Variants in TOM1L1 observed in about 807,000 individuals in gnomAD.
The protein encoded by TOM1L1 is TOM1-like protein 1.
Under a neutral mutation model 63.4 loss-of-function variants are expected in TOM1L1, and 64 were observed. The observed-to-expected ratio is 1.01, with a 90% confidence interval of 0.83 to 1.24. TOM1L1 has a LOEUF of 1.24. Among genes scored for constraint, TOM1L1 ranks in the 50% most tolerant of loss-of-function variants. TOM1L1 has a pLI of 0.00. For missense variants in TOM1L1, 536 were observed against 567.0 expected, an observed-to-expected ratio of 0.95 and a Z score of 0.55; for synonymous variants, 166 against 194.4, an observed-to-expected ratio of 0.85 and a Z score of 1.22.
At chr17:54,902,570 C>T (rs1179506831) in intron 1 of TOM1L1, among the ~76,000 whole-genome samples, 2 of 152,132 alleles carry the variant, frequency 1.3e-5, no homozygotes, top group East Asian at 1.9e-4. Context: ...GGATTACAGG[C>T]GGGAGCCACC....
Position 54,915,881 on chromosome 17 carries a change from G to A in TOM1L1, c.720+19G>A. 2 of 1,576,542 alleles carry A rather than the reference G, an allele frequency of 1.3e-6. No homozygotes were observed. Among genetic ancestry groups the A allele is most frequent in the Non-Finnish European group, 1.7e-6 (2 of 1,146,612 alleles). On this transcript the variant is annotated intron_variant, in intron 7 of 15. Transcript: ENST00000575882. ...TCTGCAGGTGTTGTACGATTTCAGG[G>A]ACTATCAGTCAAAGTGTCTCTTAAA...
At chr17:54,934,262 T>G (rs2048911481) in intron 8 of TOM1L1, among the ~76,000 whole-genome samples, 2 of 152,262 alleles carry the variant, frequency 1.3e-5, no homozygotes, top group Non-Finnish European at 2.9e-5. Flanking sequence ...TAGCTTTTTA[T>G]CTTTGTAGCT....
intron 7 of TOM1L1, among the ~76,000 whole-genome samples, chr17:54,927,497 T>C (rs1229120416): frequency 3.3e-5 from 5 of 152,194 alleles, no homozygotes; most frequent in African/African-American, 1.2e-4. Context: ...AAGAGGAAGC[T>C]CTTAATGAGC....
At chr17:54,909,327 G>C (rs2048461001) in intron 3 of TOM1L1, among the ~76,000 whole-genome samples, 1 of 152,162 alleles carries the variant, frequency 6.6e-6, no homozygotes, top group African/African-American at 2.4e-5. Flanking sequence ...TGGAGGGAGT[G>C]AGAAGACTGA....
rs2077121220 is a variant in TOM1L1 at position 54,961,377 on chromosome 17, A to G, written c.*144A>G. 13 of 1,550,188 alleles carry G rather than the reference A, an allele frequency of 8.4e-6. No homozygotes were observed. In the South Asian group the frequency reaches 1.5e-4, roughly 18 times the overall value. On this transcript the variant is annotated 3_prime_UTR_variant, in exon 16 of 16. Coordinates refer to ENST00000575882, the MANE Select transcript of TOM1L1 (RefSeq NM_005486.3). Reference sequence around the variant, plus strand: ...GCACATTTCTGCTATAATGAAGATTAAATAGAATAACAGTTCCAGGATAAC... The same window carrying G: ...GCACATTTCTGCTATAATGAAGATTGAATAGAATAACAGTTCCAGGATAAC...
intron 3 of TOM1L1, among the ~76,000 whole-genome samples, chr17:54,909,786 G>T (rs2048468497): frequency 6.6e-6 from 1 of 152,122 alleles, no homozygotes; most frequent in Admixed American, 6.6e-5. Context: ...TGGCTCCTGA[G>T]TTTTCAATCC....
intron 5 of TOM1L1, among the ~76,000 whole-genome samples, chr17:54,914,421 T>C (rs2048552373): frequency 1.3e-5 from 2 of 151,838 alleles, no homozygotes; most frequent in Admixed American, 1.3e-4. Context: ...ATAATCCTAA[T>C]AGCCACCTTT....
Position 54,961,654 on chromosome 17 carries a change from A to G in TOM1L1, c.*421A>G. The G allele has an allele frequency of 1.9e-6, 2 of 1,078,034 alleles. No homozygotes were observed. Among genetic ancestry groups the G allele is most frequent in the South Asian group, 6.5e-5 (2 of 30,544 alleles). The allele number at this position is 1,078,034 out of a possible 1,614,324, so 66.8% of individuals were successfully genotyped here. A position where few individuals can be genotyped will look rare whatever the true frequency, so the allele number is the denominator to read the frequency against. Reference sequence around the variant, plus strand: ...AAACTGAATGTATTATTCAGGAAGAATACTGAGTGCCTTCATTTAACTAAA... The same window carrying G: ...AAACTGAATGTATTATTCAGGAAGAGTACTGAGTGCCTTCATTTAACTAAA... On this transcript the variant is annotated 3_prime_UTR_variant, in exon 16 of 16. Coordinates refer to ENST00000575882, the MANE Select transcript of TOM1L1 (RefSeq NM_005486.3).
At chr17:54,907,217 C>T (rs1207197427) in intron 3 of TOM1L1, among the ~76,000 whole-genome samples, 4 of 146,468 alleles carry the variant, frequency 2.7e-5, no homozygotes, top group Non-Finnish European at 4.4e-5. Flanking sequence ...ATGGAGAAGA[C>T]GGGAGAGAGG....
intron 14 of TOM1L1, chr17:54,953,213 C>CA (rs2049322941): frequency 6.9e-6 from 1 of 143,952 alleles, no homozygotes; most frequent in Non-Finnish European, 1.6e-5. Flanking sequence ...ACCTTGTCTC[C>CA]ACAAACAAAC....
intron 10 of TOM1L1, 93 bp from the exon 11 acceptor site, chr17:54,938,831 C>CTTTTTTTTTT: frequency 3.5e-6 from 2 of 577,538 alleles, no homozygotes; most frequent in African/African-American, 2.0e-5. Context: ...TTTTCTTTTT[C>CTTTTTTTTTT]TTTTTTCTTT....
At position 54,936,638 on chromosome 17, in the gene TOM1L1, C is replaced by T; in HGVS notation, c.855-11C>T. 6.3e-7 allele frequency: 1 copy of T among 1,587,712 alleles called. No homozygotes were observed. The highest frequency in any genetic ancestry group is 1.2e-5 in the South Asian group (1 of 85,112). On this transcript the variant is annotated splice_polypyrimidine_tract_variant and intron_variant, in intron 8 of 15. Coordinates refer to ENST00000575882, the MANE Select transcript of TOM1L1 (RefSeq NM_005486.3). ...TTTTTAAAAACACATGCATTTTGAT[C>T]ATTTAAACAGGTTTACTAGAAACCA...
chr17:54,921,799 A>C (rs1200275429), intron 7 of TOM1L1, among the ~76,000 whole-genome samples: 1 of 152,188 alleles, frequency 6.6e-6, no homozygotes, highest in Non-Finnish European at 1.5e-5. Context: ...AACAACACAT[A>C]GCAGTTATGA....
chr17:54,960,533 C>T (rs763909595), intron 14 of TOM1L1, 33 bp from the exon 15 acceptor site: 3 of 1,583,470 alleles, frequency 1.9e-6, no homozygotes, highest in South Asian at 1.1e-5. Flanking sequence ...GAAATTGATA[C>T]ATAACCCTTT....
chr17:54,956,017 C>A (rs2049481989), intron 14 of TOM1L1, among the ~76,000 whole-genome samples: 1 of 152,136 alleles, frequency 6.6e-6, no homozygotes, highest in African/African-American at 2.4e-5. Flanking sequence ...GCTTTGCCTG[C>A]CAGGAGCCTA....
chr17:54,956,684 A>G (rs1165549253), intron 14 of TOM1L1: 1 of 152,044 alleles, frequency 6.6e-6, no homozygotes, highest in Non-Finnish European at 1.5e-5. Flanking sequence ...GGCTCAAGCA[A>G]TCCTCCTGCC....
chr17:54,915,227 A>T (rs1159690715), intron 6 of TOM1L1, among the ~76,000 whole-genome samples: 1 of 152,172 alleles, frequency 6.6e-6, no homozygotes, highest in Non-Finnish European at 1.5e-5. Context: ...ACTATAATTG[A>T]AGATTTTGTT....
chr17:54,902,813 CG>C (rs990019383), intron 1 of TOM1L1, among the ~76,000 whole-genome samples: 4 of 152,246 alleles, frequency 2.6e-5, no homozygotes, highest in East Asian at 3.9e-4. Flanking sequence ...ATTCTTAAAG[CG>C]GCTGTCTGGA....
At chr17:54,953,972 A>G (rs993455942) in intron 14 of TOM1L1, 12 of 152,064 alleles carry the variant, frequency 7.9e-5, no homozygotes, top group South Asian at 2.1e-4. Context: ...GCCTTGTTCT[A>G]TTTCTCTGAG....
Sources: allele counts gnomAD v4.1 joint callset (sites outside exome capture counted in the v4.1 genomes callset), GRCh38; gene constraint gnomAD v4.1.1; transcripts MANE v1.5; gene names NCBI Gene and HGNC (gene_info 2026-07-23, HGNC 2026-07-21).